The following PTPN9 variants were observed in gnomAD, a reference collection of about 807,000 sequenced individuals.
PTPN9 encodes the protein protein tyrosine phosphatase non-receptor type 9.
In PTPN9, 26 loss-of-function variants were observed where a neutral mutation model predicts 69.8. The observed-to-expected ratio is 0.37, with a 90% CI of 0.27 to 0.52. The LOEUF is 0.52. Among genes scored for constraint, PTPN9 ranks in the 20% least tolerant of loss-of-function variants. The pLI is 0.91. For synonymous variants in PTPN9, 274 were observed against 272.5 expected (o/e 1.01, Z -0.05); for missense variants, 549 against 740.3 (o/e 0.74, Z 3.00).
At chr15:75,480,346 T>C (rs531053344) in intron 8 of PTPN9, among the ~76,000 whole-genome samples, 2 of 152,302 alleles carry the variant, frequency 1.3e-5, no homozygotes, top group Admixed American at 1.3e-4. Flanking sequence ...GGCTCACGCC[T>C]GTAATCCCAG....
intron 7 of PTPN9, 116 bp from the exon 8 acceptor site, chr15:75,490,417 G>C (rs1385131701): frequency 1.4e-6 from 1 of 720,406 alleles, no homozygotes; most frequent in Admixed American, 2.5e-5. Context: ...AGACATGGAA[G>C]CTTTTCAATT....
intron 1 of PTPN9, among the ~76,000 whole-genome samples, chr15:75,537,610 C>T (rs1207345280): frequency 6.7e-6 from 1 of 149,222 alleles, no homozygotes; most frequent in Non-Finnish European, 1.5e-5. Flanking sequence ...AAAAACTTAG[C>T]TGGGCGTGGT....
chr15:75,559,843 T>C (rs1458881949), intron 1 of PTPN9, among the ~76,000 whole-genome samples: 1 of 151,980 alleles, frequency 6.6e-6, no homozygotes, highest in Non-Finnish European at 1.5e-5. Context: ...ATTTTTTTCT[T>C]TTTAAAAACT....
At chr15:75,520,217 A>G (rs1190982253) in intron 4 of PTPN9, among the ~76,000 whole-genome samples, 1 of 152,136 alleles carries the variant, frequency 6.6e-6, no homozygotes, top group African/African-American at 2.4e-5. Context: ...TGAGCTCCTC[A>G]AGGGTCAAAT....
At chr15:75,549,583 C>T (rs745606466) in intron 1 of PTPN9, among the ~76,000 whole-genome samples, 6 of 152,110 alleles carry the variant, frequency 3.9e-5, no homozygotes, top group Non-Finnish European at 8.8e-5. Context: ...TAAAAGGCCA[C>T]TCACAAACAC....
intron 4 of PTPN9, among the ~76,000 whole-genome samples, chr15:75,519,489 C>CAAA (rs920323257): frequency 2.3e-4 from 35 of 152,144 alleles, no homozygotes; most frequent in Admixed American, 4.6e-4. Context: ...AATTCCAAGG[C>CAAA]AGAAGCACCC....
At chr15:75,547,668 CTTT>C (rs71440250) in intron 1 of PTPN9, among the ~76,000 whole-genome samples, 8 of 141,264 alleles carry the variant, frequency 5.7e-5, no homozygotes, top group South Asian at 2.2e-4. Context: ...ATATAGGGTT[CTTT>C]TTTTTTTTTT....
chr15:75,470,543 T>A, intron 11 of PTPN9, 137 bp downstream of exon 11: 4 of 1,054,338 alleles, frequency 3.8e-6, no homozygotes, highest in Non-Finnish European at 5.6e-6. Flanking sequence ...GAGTTAAATA[T>A]CCTCATCCTG....
chr15:75,568,865 A>T (rs1361890068), intron 1 of PTPN9, among the ~76,000 whole-genome samples: 1 of 152,122 alleles, frequency 6.6e-6, no homozygotes, highest in East Asian at 1.9e-4. Context: ...AAAGTGAACC[A>T]AACGCTTAAG....
intron 5 of PTPN9, among the ~76,000 whole-genome samples, chr15:75,511,690 G>C (rs2074845959): frequency 6.6e-6 from 1 of 152,084 alleles, no homozygotes; most frequent in African/African-American, 2.4e-5. Flanking sequence ...CCCCAACTTA[G>C]ACTTTCTATT....
At chr15:75,498,699 A>G (rs907406745) in intron 7 of PTPN9, among the ~76,000 whole-genome samples, 3 of 152,178 alleles carry the variant, frequency 2.0e-5, no homozygotes, top group African/African-American at 7.2e-5. Context: ...TGGGTGACAG[A>G]GCAAGACTCT....
At position 75,482,552 on chromosome 15, in the gene PTPN9, G is replaced by A. The variant is rs1285379556; in HGVS notation, c.1063-2638C>T. Among the ~76,000 whole-genome samples the A allele has an allele frequency of 5.5e-3, 661 of 119,434 alleles. 2 individuals are homozygous for A. The highest frequency in any genetic ancestry group is 0.02 in the African/African-American group (608 of 30,348). The allele number at this position is 119,434 out of a possible 152,430, so 78.4% of individuals were successfully genotyped here. ...TGCACTCCAGCCTGGGCGACAGAGC[G>A]AGACTCCGTCTCAAAAAAAAAAAAA... On this transcript the variant is annotated intron_variant, in intron 8 of 12. Coordinates refer to ENST00000618819, the MANE Select transcript of PTPN9 (RefSeq NM_002833.4).
chr15:75,563,076 C>A (rs1238552171), intron 1 of PTPN9, among the ~76,000 whole-genome samples: 1 of 152,084 alleles, frequency 6.6e-6, no homozygotes, highest in African/African-American at 2.4e-5. Flanking sequence ...TTGATCCTCG[C>A]CCTCCTCCCA....
At chr15:75,542,234 C>A (rs978074072) in intron 1 of PTPN9, among the ~76,000 whole-genome samples, 34 of 152,116 alleles carry the variant, frequency 2.2e-4, no homozygotes, top group Admixed American at 3.3e-4. Context: ...ATTCTGATAT[C>A]CACATGTTGC....
rs771896991 is a variant in PTPN9 at position 75,574,942 on chromosome 15, C to CA, written c.63+3771dup. On this transcript the variant is annotated intron_variant, in intron 1 of 12. Transcript: ENST00000618819. ...GGGCAACAAGAGCAAAACTCTGTCT[C>CA]AAAAAAAAAAAAAAAAAAAGAAAGA... Among the ~76,000 whole-genome samples, 224 of 27,010 alleles carry CA rather than the reference C, an allele frequency of 8.3e-3. 4 individuals carry two copies. The highest frequency in any genetic ancestry group is 0.046 in the East Asian group (51 of 1,106). The allele number at this position is 27,010 out of a possible 152,430, so 17.7% of individuals were successfully genotyped here.
intron 1 of PTPN9, among the ~76,000 whole-genome samples, chr15:75,552,437 A>G (rs2075060466): frequency 6.6e-6 from 1 of 152,086 alleles, no homozygotes; most frequent in Admixed American, 6.6e-5. Flanking sequence ...AAACAAAAAA[A>G]CAGTGATAAG....
intron 7 of PTPN9, among the ~76,000 whole-genome samples, chr15:75,496,685 C>A (rs1169460812): frequency 1.3e-5 from 2 of 151,692 alleles, no homozygotes; most frequent in Admixed American, 6.6e-5. Flanking sequence ...TTTGTAGAGA[C>A]AGGGTTTCCA....
At chr15:75,491,359 C>T (rs549302744) in intron 7 of PTPN9, among the ~76,000 whole-genome samples, 11 of 150,554 alleles carry the variant, frequency 7.3e-5, no homozygotes, top group African/African-American at 2.4e-4. Context: ...GCCAACATCA[C>T]ACCACTGCAC....
At position 75,468,882 on chromosome 15, in the gene PTPN9, T is replaced by C. The variant is rs1251181454; in HGVS notation, c.1669A>G (p.Ser557Gly). 1 of 1,614,198 alleles carries C rather than the reference T, an allele frequency of 6.2e-7. No individual in the cohort carries two copies. Among genetic ancestry groups the C allele is most frequent in the Non-Finnish European group, 8.5e-7 (1 of 1,180,018 alleles). ...VSRMRTQRAF[S>G]IQTPEQYYFC... ...TAGTACTGCTCAGGGGTCTGGATGC[T>C]GAAGGCCCTCTGGGTCCTCATGCGT... is the stretch of plus-strand genomic sequence containing the variant. Residue 557 changes from serine (S) to glycine (G), a missense_variant, in exon 13 of 13, where the codon AGC becomes GGC. Physicochemically the swap from Ser to Gly is moderately conservative, Grantham distance 56. Coordinates refer to ENST00000618819, the MANE Select transcript of PTPN9 (RefSeq NM_002833.4).
Sources: gnomAD v4.1 joint callset for allele counts (sites outside exome capture counted in the v4.1 genomes callset) on GRCh38, gnomAD v4.1.1 for gene constraint, MANE v1.5 for transcripts, NCBI Gene and HGNC (gene_info 2026-07-23, HGNC 2026-07-21) for gene names.